Variants in GPLD1 observed in about 807,000 individuals in gnomAD.
The protein encoded by GPLD1 is glycosylphosphatidylinositol specific phospholipase D1, also known as phosphatidylinositol-glycan-specific phospholipase D.
Under a neutral mutation model 112.6 loss-of-function variants are expected in GPLD1, and 84 were observed. The observed-to-expected ratio is 0.75, with a 90% confidence interval of 0.63 to 0.89. The LOEUF is 0.89. Ranked by LOEUF, GPLD1 falls within the 40% of genes least tolerant of loss-of-function variation. The probability of loss-of-function intolerance (pLI) is 0.00; values close to 1 mark genes in which losing one functional copy is unlikely to be tolerated. For synonymous variants in GPLD1, 386 were observed against 403.8 expected, an observed-to-expected ratio of 0.96 and a Z score of 0.53; for missense variants, 1,044 against 1,051.5, an observed-to-expected ratio of 0.99 and a Z score of 0.10.
rs768533338 is a variant in GPLD1, at chr6:24,495,082, G to A, written n.124C>T. On this transcript the variant is annotated non_coding_transcript_exon_variant, in exon 1 of 11. Transcript: ENST00000474784. ...GGCTGCCGCCTCCGCCCCCGCGCCG[G>A]CGGCCTGGTCCCTGCCTCCGGGCCT... 6.8e-6 allele frequency: 9 copies of A among 1,318,458 alleles called. No homozygotes were observed. The highest frequency in any genetic ancestry group is 8.7e-6 in the Non-Finnish European group (9 of 1,035,738). The allele number at this position is 1,318,458 out of a possible 1,614,324, so 81.7% of individuals were successfully genotyped here.
intron 13 of GPLD1, among the ~76,000 whole-genome samples, chr6:24,455,173 A>G (rs4712824): frequency 0.9 from 137,290 of 152,294 alleles, 62,855 homozygotes; most frequent in Non-Finnish European, 0.99. Context: ...CAGTGGACCC[A>G]TTGCTGTTCT....
At chr6:24,430,690 T>C (rs760164334) in intron 24 of GPLD1, among the ~76,000 whole-genome samples, 18 of 152,164 alleles carry the variant, frequency 1.2e-4, no homozygotes, top group Non-Finnish European at 2.4e-4. Flanking sequence ...AAGGAAGGAA[T>C]CTTCAGAACA....
chr6:24,451,271 T>C (rs1763073689), intron 14 of GPLD1, among the ~76,000 whole-genome samples: 1 of 152,200 alleles, frequency 6.6e-6, no homozygotes, highest in Non-Finnish European at 1.5e-5. Flanking sequence ...ATCTTTCTTA[T>C]CCTACCGTCT....
Position 24,447,971 on chromosome 6 carries a change from G to A in GPLD1, c.1584C>T (p.Pro528=), listed in dbSNP as rs200604152. The stretch of plus-strand genomic sequence containing the variant: ...CAAAAGGGGAGCCGATGACCAGATC[G>A]GGTTCACTGTCTCCATTCACATCTG... The part of the protein sequence containing the change: ...LAADVNGDSE[P]DLVIGSPFAP... The change falls in exon 17 of 25, where the codon CCC becomes CCT. Residue 528 remains proline (P), a synonymous_variant. Coordinates refer to ENST00000230036, the MANE Select transcript of GPLD1 (RefSeq NM_001503.4). 5.0e-6 allele frequency: 8 copies of A among 1,613,692 alleles called. No homozygotes were observed. The highest frequency in any genetic ancestry group is 2.2e-5 in the South Asian group (2 of 91,048).
intron 13 of GPLD1, 128 bp from the exon 14 acceptor site, chr6:24,454,329 T>C: frequency 1.8e-6 from 1 of 542,286 alleles, no homozygotes; most frequent in South Asian, 3.2e-5. Flanking sequence ...CCTGCGTGAC[T>C]GTTGTGAATA....
intron 3 of GPLD1, 123 bp from the exon 4 acceptor site, chr6:24,476,401 T>A (rs1194107767): frequency 3.3e-6 from 2 of 604,750 alleles, no homozygotes; most frequent in African/African-American, 3.7e-5. Flanking sequence ...GCCCCTCAGT[T>A]TCTTCTGTCG....
chr6:24,475,144 C>A lies in GPLD1; in HGVS notation c.418G>T (p.Gly140Ter). Reference sequence around the variant, plus strand: ...ACAGCTCCCATGGTCCTAAGGAATCCTTGTTCAAGGCCCAGACTATGCCAG... The same window carrying A: ...ACAGCTCCCATGGTCCTAAGGAATCATTGTTCAAGGCCCAGACTATGCCAG... Reference protein sequence around the residue: ...VSWHSLGLEQGFLRTMGAIDF... With the variant: ...VSWHSLGLEQ Residue 140 changes from glycine (G) to a stop codon, truncating the protein, a stop_gained, in exon 5 of 25, where the codon GGA becomes TGA. Coordinates refer to ENST00000230036, the MANE Select transcript of GPLD1 (RefSeq NM_001503.4). LOFTEE classifies it high-confidence loss of function. 6.2e-7 allele frequency: 1 copy of A among 1,602,496 alleles called. No homozygotes were observed. Among genetic ancestry groups the A allele is most frequent in the Admixed American group, 1.7e-5 (1 of 60,000 alleles).
At chr6:24,459,141 T>C (rs1204890611) in intron 12 of GPLD1, among the ~76,000 whole-genome samples, 1 of 152,172 alleles carries the variant, frequency 6.6e-6, no homozygotes, top group Non-Finnish European at 1.5e-5. Context: ...AGAAATGTAC[T>C]CTCACTGATG....
downstream of GPLD1, chr6:24,423,995 C>T (rs989088736): frequency 8.7e-5 from 15 of 172,800 alleles, no homozygotes; most frequent in Non-Finnish European, 1.2e-5. Context: ...TTAATTTATA[C>T]ATATCAAGAA....
chr6:24,447,595 C>A (rs556955951), intron 17 of GPLD1, among the ~76,000 whole-genome samples: 2 of 152,122 alleles, frequency 1.3e-5, no homozygotes, highest in African/African-American at 4.8e-5. Context: ...GAGATGCCTC[C>A]GGTGCAAAGC....
Position 24,432,699 on chromosome 6 carries a change from G to A in GPLD1, c.2436+488C>T, listed in dbSNP as rs193140912. Among the ~76,000 whole-genome samples, 17 of 152,310 alleles carry A rather than the reference G, an allele frequency of 1.1e-4. No individual in the cohort carries two copies. In the East Asian group the frequency reaches 1.5e-3, roughly 14 times the overall value. The stretch of plus-strand genomic sequence containing the variant: ...AAGGCAAGGGCCAGCAAACAATTTT[G>A]GAGAACAGGCAGATAATAATACTTA... On this transcript the variant is annotated intron_variant, in intron 24 of 24. Coordinates refer to ENST00000230036, the MANE Select transcript of GPLD1 (RefSeq NM_001503.4).
chr6:24,448,070 C>T (rs1561836589), intron 16 of GPLD1, 37 bp from the exon 17 acceptor site: 1 of 1,613,026 alleles, frequency 6.2e-7, no homozygotes, highest in South Asian at 1.1e-5. Context: ...TTTACCCAGC[C>T]CTGGTGGCAG....
chr6:24,426,226 A>G lies in GPLD1; in HGVS notation c.*2806T>C, dbSNP rs1264315116. ...TTCAGATTTCTGTTAATGAGAAATTACAACCCTACAAGGTAAGGTCTTTAC... is the reference window on the plus strand; with the variant it reads ...TTCAGATTTCTGTTAATGAGAAATTGCAACCCTACAAGGTAAGGTCTTTAC... On this transcript the variant is annotated 3_prime_UTR_variant, in exon 25 of 25. Transcript: ENST00000230036. The G allele has an allele frequency of 2.0e-5, 3 of 152,266 alleles. No homozygotes were observed. Among genetic ancestry groups the G allele is most frequent in the African/African-American group, 7.2e-5 (3 of 41,482 alleles). The allele number at this position is 152,266 out of a possible 1,614,324, so 9.4% of individuals were successfully genotyped here.
intron 2 of GPLD1, among the ~76,000 whole-genome samples, chr6:24,480,953 T>C (rs1764182855): frequency 6.6e-6 from 1 of 152,202 alleles, no homozygotes; most frequent in Admixed American, 6.5e-5. Flanking sequence ...CCCACGTGTT[T>C]ATGGGCAGAG....
chr6:24,460,493 T>C, intron 11 of GPLD1, 94 bp from the exon 12 acceptor site: 1 of 1,315,346 alleles, frequency 7.6e-7, no homozygotes, highest in Non-Finnish European at 1.1e-6. Context: ...AATCACAGGT[T>C]AAAAGACCAC....
Position 24,433,353 on chromosome 6 carries a change from G to A in GPLD1, c.2385+10C>T, listed in dbSNP as rs753362644. The A allele has an allele frequency of 6.2e-7, 1 of 1,607,940 alleles. No individual in the cohort carries two copies. The highest frequency in any genetic ancestry group is 1.7e-5 in the Admixed American group (1 of 59,986). On this transcript the variant is annotated intron_variant, in intron 23 of 24. Transcript: ENST00000230036. The stretch of plus-strand genomic sequence containing the variant: ...ATTTTTCTTTCTTCAGTCTTTCAAG[G>A]GATACTTACTTCAGGAGAAATCAAT...
rs1009335212 is a variant in GPLD1, at chr6:24,426,252, A to G, written c.*2780T>C. The G allele has an allele frequency of 1.3e-5, 2 of 152,220 alleles. No homozygotes were observed. The highest frequency in any genetic ancestry group is 2.9e-5 in the Non-Finnish European group (2 of 68,036). The allele number at this position is 152,220 out of a possible 1,614,324, so 9.4% of individuals were successfully genotyped here. A position where few individuals can be genotyped will look rare whatever the true frequency, so the allele number is the denominator to read the frequency against. On this transcript the variant is annotated 3_prime_UTR_variant, in exon 25 of 25. Coordinates refer to ENST00000230036, the MANE Select transcript of GPLD1 (RefSeq NM_001503.4). ...CAACCCTACAAGGTAAGGTCTTTAC[A>G]TTTTAGTTATTAAGCAGAATCAATG...
chr6:24,468,752 G>A (rs1393147361), intron 7 of GPLD1, among the ~76,000 whole-genome samples: 1 of 152,060 alleles, frequency 6.6e-6, no homozygotes, highest in Non-Finnish European at 1.5e-5. Flanking sequence ...CTGAACCTGC[G>A]ACCCTGGTGT....
chr6:24,431,080 G>A (rs1762388115), intron 24 of GPLD1, among the ~76,000 whole-genome samples: 1 of 152,134 alleles, frequency 6.6e-6, no homozygotes, highest in Admixed American at 6.5e-5. Context: ...AAGGATCCCT[G>A]TGATCAGACC....
Sources: gnomAD v4.1 joint callset for allele counts (sites outside exome capture counted in the v4.1 genomes callset) on GRCh38, gnomAD v4.1.1 for gene constraint, MANE v1.5 for transcripts, NCBI Gene and HGNC (gene_info 2026-07-23, HGNC 2026-07-21) for gene names.